The following RTN4RL2 variants were observed in gnomAD, a reference collection of about 807,000 sequenced individuals.
RTN4RL2 encodes reticulon-4 receptor-like 2.
In RTN4RL2, 9 loss-of-function variants were observed where a neutral mutation model predicts 27.8. The ratio of observed to expected loss-of-function variants is 0.32; its 90% CI spans 0.20 to 0.57. The LOEUF is 0.57. RTN4RL2 is among the 20% of genes least tolerant of loss of function. The probability of loss-of-function intolerance (pLI) is 0.90; values close to 1 mark genes in which losing one functional copy is unlikely to be tolerated. For synonymous variants in RTN4RL2, 285 were observed against 297.9 expected (o/e 0.96, Z 0.45); for missense variants, 436 against 596.8 (o/e 0.73, Z 2.81).
Position 57,468,806 on chromosome 11 carries a change from T to G in RTN4RL2, c.513+716T>G, listed in dbSNP as rs367849038. ...AAAGGGTAAATCTCTGTTATGCAGC[T>G]GGAGAATGGATGCTCTGAAAATGGA... On this transcript the variant is annotated intron_variant, in intron 2 of 2. Coordinates refer to ENST00000335099, the MANE Select transcript of RTN4RL2 (RefSeq NM_178570.3). 185 of 1,358,906 alleles carry G rather than the reference T, an allele frequency of 1.4e-4. 1 individual carries two copies. In the South Asian group the frequency reaches 2.3e-3, roughly 17 times the overall value. 84.2% of individuals were successfully genotyped at this position (1,358,906 alleles called of 1,614,324 possible).
At chr11:57,466,618 C>T (rs1327557285) in intron 1 of RTN4RL2, among the ~76,000 whole-genome samples, 1 of 152,134 alleles carries the variant, frequency 6.6e-6, no homozygotes, top group African/African-American at 2.4e-5. Context: ...ACCCTTAAGG[C>T]CCCTCCCGGC....
chr11:57,472,946 C>T (rs376010612), intron 2 of RTN4RL2, among the ~76,000 whole-genome samples: 2 of 152,188 alleles, frequency 1.3e-5, no homozygotes, highest in African/African-American at 2.4e-5. Flanking sequence ...GGACCCTAGG[C>T]GAGTCACTTC....
intron 2 of RTN4RL2, among the ~76,000 whole-genome samples, chr11:57,473,678 C>A (rs1237356179): frequency 1.3e-5 from 2 of 151,648 alleles, no homozygotes; most frequent in African/African-American, 4.9e-5. Flanking sequence ...AGAGGAAGGA[C>A]CGGATTTGAA....
At chr11:57,464,341 G>A (rs779515100) in intron 1 of RTN4RL2, among the ~76,000 whole-genome samples, 3 of 152,224 alleles carry the variant, frequency 2.0e-5, no homozygotes, top group Non-Finnish European at 4.4e-5. Flanking sequence ...CTCTGAGATT[G>A]CACATCCTTC....
chr11:57,473,083 CTCAA>C (rs1943573299), intron 2 of RTN4RL2, among the ~76,000 whole-genome samples: 1 of 152,200 alleles, frequency 6.6e-6, no homozygotes, highest in Non-Finnish European at 1.5e-5. Context: ...ATGGTAAGAG[CTCAA>C]TCAGTTACCT....
chr11:57,469,157 AT>A (rs1364653400), intron 2 of RTN4RL2, among the ~76,000 whole-genome samples: 1 of 152,244 alleles, frequency 6.6e-6, no homozygotes. Context: ...GATAATAACA[AT>A]AGCCATAACA....
At position 57,477,053 on chromosome 11, in the gene RTN4RL2, C is replaced by A; in HGVS notation, c.*142C>A. On this transcript the variant is annotated 3_prime_UTR_variant, in exon 3 of 3. Transcript: ENST00000335099. ...CCCAGCTCCTCTCCTCCCCGGGGAG[C>A]AGGCCGCCTCTCCTTGCCTGCCCCC... 1.2e-6 allele frequency: 1 copy of A among 823,724 alleles called. No individual in the cohort carries two copies. The highest frequency in any genetic ancestry group is 1.8e-6 in the Non-Finnish European group (1 of 564,266). The allele number at this position is 823,724 out of a possible 1,614,324, so 51.0% of individuals were successfully genotyped here. A position where few individuals can be genotyped will look rare whatever the true frequency, so the allele number is the denominator to read the frequency against.
At position 57,476,189 on chromosome 11, in the gene RTN4RL2, C is replaced by G; in HGVS notation, c.541C>G (p.Leu181Val). The change falls in exon 3 of 3, where the codon CTG becomes GTG. Residue 181 changes from leucine to valine, a missense_variant. Transcript: ENST00000335099. The surrounding 1 kb of genome is among the most constrained non-coding windows in gnomAD (Gnocchi z 8.2). Reference protein sequence around the residue: ...QDDLFADLANLSHLFLHGNRL... With the variant: ...QDDLFADLANVSHLFLHGNRL... The stretch of plus-strand genomic sequence containing the variant: ...TGACTTGTTCGCGGACCTGGCCAAC[C>G]TGAGCCACCTCTTCCTCCACGGGAA... 6.2e-7 allele frequency: 1 copy of G among 1,609,490 alleles called. No homozygotes were observed. The highest frequency in any genetic ancestry group is 8.5e-7 in the Non-Finnish European group (1 of 1,177,672).
Position 57,467,444 on chromosome 11 carries a change from C to T in RTN4RL2, c.32-165C>T, listed in dbSNP as rs1364422737. Among the ~76,000 whole-genome samples the T allele has an allele frequency of 2.0e-5, 3 of 152,064 alleles. No homozygotes were observed. Among genetic ancestry groups the T allele is most frequent in the East Asian group, 3.9e-4 (2 of 5,160 alleles). ...GCCCAGGATAGTCTCAAACTCCTGG[C>T]CTCAAGCAATCCTCCTGCCTTGGCC... On this transcript the variant is annotated intron_variant, in intron 1 of 2. Coordinates refer to ENST00000335099, the MANE Select transcript of RTN4RL2 (RefSeq NM_178570.3). The surrounding 1 kb of genome is among the most constrained non-coding windows in gnomAD (Gnocchi z 5.5).
intron 1 of RTN4RL2, among the ~76,000 whole-genome samples, chr11:57,465,201 C>A (rs937499698): frequency 2.0e-5 from 3 of 152,238 alleles, no homozygotes; most frequent in African/African-American, 4.8e-5. Context: ...GCGCCACACT[C>A]GGGGCCTGTC....
At chr11:57,460,982 G>T in intron 1 of RTN4RL2, 86 bp downstream of exon 1, 4 of 767,380 alleles carry the variant, frequency 5.2e-6, no homozygotes, top group Non-Finnish European at 7.5e-6. Context: ...GGGTGGGGCA[G>T]TTGGGGAGGT....
chr11:57,472,506 C>G (rs1590733402), intron 2 of RTN4RL2, among the ~76,000 whole-genome samples: 1 of 152,316 alleles, frequency 6.6e-6, no homozygotes, highest in Non-Finnish European at 1.5e-5. Flanking sequence ...CCACCGTACA[C>G]AGCTGGCCTG....
At chr11:57,462,432 C>G (rs775348782) in intron 1 of RTN4RL2, among the ~76,000 whole-genome samples, 2 of 152,178 alleles carry the variant, frequency 1.3e-5, no homozygotes, top group Non-Finnish European at 2.9e-5. Context: ...GCCCTTGCTT[C>G]TCGTCTGGGA....
chr11:57,467,600 T>A lies in RTN4RL2; in HGVS notation c.32-9T>A. The A allele has an allele frequency of 6.3e-7, 1 of 1,593,866 alleles. No homozygotes were observed. ...CCCACCTAGTAAGTTCTGCTTCCCC[T>A]CCCCACAGCTCCCGCCTCGGCCTGC... On this transcript the variant is annotated splice_polypyrimidine_tract_variant and intron_variant, in intron 1 of 2. Coordinates refer to ENST00000335099, the MANE Select transcript of RTN4RL2 (RefSeq NM_178570.3). This position sits in a 1 kb window ranked among gnomAD's most constrained non-coding sequence, Gnocchi z 5.5.
At chr11:57,474,419 C>T (rs956016417) in intron 2 of RTN4RL2, among the ~76,000 whole-genome samples, 7 of 152,152 alleles carry the variant, frequency 4.6e-5, no homozygotes, top group African/African-American at 1.7e-4. Context: ...CTGAGGCCTC[C>T]GACCAGGCTC....
At position 57,468,407 on chromosome 11, in the gene RTN4RL2, C is replaced by T. The variant is rs150976621; in HGVS notation, c.513+317C>T. ...CCTTTCCATCCATCACTGCCTCTCT[C>T]ACTAACTTGCCTCCCCCATCTGTCT... On this transcript the variant is annotated intron_variant, in intron 2 of 2. Transcript: ENST00000335099. 1.8e-3 allele frequency among the ~76,000 whole-genome samples: 267 copies of T among 152,312 alleles called. 1 individual carries two copies. The highest frequency in any genetic ancestry group is 6.0e-3 in the African/African-American group (250 of 41,558).
chr11:57,476,374 G>C lies in RTN4RL2; in HGVS notation c.726G>C (p.Leu242=). The stretch of plus-strand genomic sequence containing the variant: ...TGTTCAACAACAGCCTGGCCTCGCT[G>C]CCCGGCGAGGCGCTCGCCGACCTGC... The part of the protein sequence containing the change: ...LYLFNNSLAS[L]PGEALADLPS... The change falls in exon 3 of 3, where the codon CTG becomes CTC. Residue 242 remains leucine, a synonymous_variant. Coordinates refer to ENST00000335099, the MANE Select transcript of RTN4RL2 (RefSeq NM_178570.3). This position sits in a 1 kb window ranked among gnomAD's most constrained non-coding sequence, Gnocchi z 8.2. The C allele has an allele frequency of 1.2e-6, 2 of 1,608,226 alleles. No individual in the cohort carries two copies. The highest frequency in any genetic ancestry group is 1.7e-6 in the Non-Finnish European group (2 of 1,179,210).
intron 2 of RTN4RL2, chr11:57,468,758 A>C: frequency 6.5e-7 from 1 of 1,534,162 alleles, no homozygotes; most frequent in Non-Finnish European, 8.7e-7. Context: ...CAAACCTGTC[A>C]TCTCAATGCA....
At chr11:57,468,798 T>C in intron 2 of RTN4RL2, 3 of 1,438,654 alleles carry the variant, frequency 2.1e-6, no homozygotes, top group East Asian at 2.5e-5. Context: ...AAATCTCTGT[T>C]ATGCAGCTGG....
Sources: gnomAD v4.1 joint callset for allele counts (sites outside exome capture counted in the v4.1 genomes callset) on GRCh38, gnomAD v4.1.1 for gene constraint, Gnocchi (gnomAD v3.1) non-coding constraint, MANE v1.5 for transcripts, NCBI Gene and HGNC (gene_info 2026-07-23, HGNC 2026-07-21) for gene names.